RNF38: variants seen among roughly 807,000 people sequenced by gnomAD.
RNF38 encodes the protein E3 ubiquitin-protein ligase RNF38.
In RNF38, 15 loss-of-function variants were observed where a neutral mutation model predicts 67.2. That is an observed-to-expected ratio of 0.22 (90% confidence interval 0.15 to 0.34). RNF38 has a LOEUF of 0.34. Ranked by LOEUF, RNF38 falls within the 10% of genes least tolerant of loss-of-function variation. The pLI is 1.00. For missense variants in RNF38, 524 were observed against 639.9 expected, an observed-to-expected ratio of 0.82 and a Z score of 1.95; for synonymous variants, 220 against 218.8, an observed-to-expected ratio of 1.01 and a Z score of -0.05.
chr9:36,429,615 G>A (rs1242592564), intron 1 of RNF38, among the ~76,000 whole-genome samples: 1 of 152,036 alleles, frequency 6.6e-6, no homozygotes, highest in African/African-American at 2.4e-5. Flanking sequence ...CCAACAAGAT[G>A]AAACCCTGCC....
chr9:36,438,443 CGTTAGT>C (rs747250430), intron 1 of RNF38, among the ~76,000 whole-genome samples: 2 of 151,760 alleles, frequency 1.3e-5, no homozygotes, highest in African/African-American at 2.4e-5. Context: ...CATCAGCAAT[CGTTAGT>C]GTTAGTGTAT....
At chr9:36,392,122 A>G (rs1178340082) in intron 1 of RNF38, among the ~76,000 whole-genome samples, 1 of 152,172 alleles carries the variant, frequency 6.6e-6, no homozygotes, top group African/African-American at 2.4e-5. Flanking sequence ...AATGCTATTA[A>G]TATCCCTGCT....
At chr9:36,351,624 TAAATAGAGA>T (rs1436065934) in intron 8 of RNF38, among the ~76,000 whole-genome samples, 1 of 152,050 alleles carries the variant, frequency 6.6e-6, no homozygotes, top group East Asian at 1.9e-4. Context: ...GATAGAAAGA[TAAATAGAGA>T]AAACGGGGAG....
intron 2 of RNF38, among the ~76,000 whole-genome samples, chr9:36,406,995 C>T (rs1241975957): frequency 6.6e-6 from 1 of 151,262 alleles, no homozygotes; most frequent in Admixed American, 6.6e-5. Flanking sequence ...AACCCCATCT[C>T]CACCAAAAAT....
intron 2 of RNF38, among the ~76,000 whole-genome samples, chr9:36,420,581 C>G (rs1362239896): frequency 6.7e-6 from 1 of 150,012 alleles, no homozygotes; most frequent in Admixed American, 6.7e-5. Flanking sequence ...TCTATGCCCC[C>G]TTCCCTGCTT....
At chr9:36,436,747 C>T (rs766667091) in intron 1 of RNF38, among the ~76,000 whole-genome samples, 2 of 147,010 alleles carry the variant, frequency 1.4e-5, no homozygotes, top group African/African-American at 5.1e-5. Context: ...GGCGTGGACC[C>T]GGGAGGTGGA....
At chr9:36,415,891 CAG>C (rs1440703773) in intron 2 of RNF38, among the ~76,000 whole-genome samples, 3 of 151,978 alleles carry the variant, frequency 2.0e-5, no homozygotes, top group Non-Finnish European at 4.4e-5. Flanking sequence ...TTTCTTGGTG[CAG>C]AGTTGTTCTT....
At chr9:36,375,076 G>A (rs1835687845) in intron 3 of RNF38, among the ~76,000 whole-genome samples, 1 of 152,152 alleles carries the variant, frequency 6.6e-6, no homozygotes, top group African/African-American at 2.4e-5. Context: ...AAATAATGAG[G>A]AAGAAACTCA....
intron 2 of RNF38, among the ~76,000 whole-genome samples, chr9:36,414,870 T>TA (rs1026910849): frequency 5.9e-5 from 9 of 152,314 alleles, no homozygotes; most frequent in African/African-American, 2.2e-4. Flanking sequence ...TTAAGGAGGC[T>TA]AAACATAGGA....
At chr9:36,339,925 G>A in intron 11 of RNF38, 111 bp from the exon 12 acceptor site, 2 of 991,558 alleles carry the variant, frequency 2.0e-6, no homozygotes, top group Non-Finnish European at 3.1e-6. Flanking sequence ...TTCTTCCTCT[G>A]AAGAGGTACA....
chr9:36,370,964 C>T (rs898407729), intron 3 of RNF38, among the ~76,000 whole-genome samples: 2 of 152,030 alleles, frequency 1.3e-5, no homozygotes, highest in Non-Finnish European at 2.9e-5. Flanking sequence ...ATTTACTCTC[C>T]ATGTACTAGT....
chr9:36,449,716 T>C (rs1212613683), intron 1 of RNF38, among the ~76,000 whole-genome samples: 1 of 152,150 alleles, frequency 6.6e-6, no homozygotes. Flanking sequence ...ATTACAGGCA[T>C]GAGCCACCGC....
intron 1 of RNF38, among the ~76,000 whole-genome samples, chr9:36,436,555 G>A (rs1384040739): frequency 6.6e-6 from 1 of 152,136 alleles, no homozygotes; most frequent in Non-Finnish European, 1.5e-5. Flanking sequence ...TGGGCGCAGT[G>A]GCTCACACCT....
chr9:36,478,722 C>T (rs1229922750), intron 1 of RNF38, among the ~76,000 whole-genome samples: 1 of 149,222 alleles, frequency 6.7e-6, no homozygotes, highest in Non-Finnish European at 1.5e-5. Context: ...GAGGCTAAGG[C>T]AGGAGAATGG....
At chr9:36,447,961 A>T (rs1013936462) in intron 1 of RNF38, among the ~76,000 whole-genome samples, 4 of 152,240 alleles carry the variant, frequency 2.6e-5, no homozygotes, top group Non-Finnish European at 5.9e-5. Context: ...GTTCTTCTGA[A>T]CTAGAAGTAT....
intron 2 of RNF38, among the ~76,000 whole-genome samples, chr9:36,414,731 C>T (rs555238148): frequency 6.6e-6 from 1 of 151,456 alleles, no homozygotes; most frequent in Non-Finnish European, 1.5e-5. Flanking sequence ...TTTAGCAGTT[C>T]CTGTAGTGCT....
intron 1 of RNF38, among the ~76,000 whole-genome samples, chr9:36,459,156 C>T (rs1587176340): frequency 6.7e-6 from 1 of 149,052 alleles, no homozygotes; most frequent in East Asian, 2.0e-4. Flanking sequence ...TGCAGTGAGC[C>T]GAGATCACAC....
intron 1 of RNF38, among the ~76,000 whole-genome samples, chr9:36,453,572 C>T (rs1190608587): frequency 1.3e-5 from 2 of 151,970 alleles, no homozygotes; most frequent in Non-Finnish European, 2.9e-5. Flanking sequence ...TTAGTAGAGA[C>T]GGGGTTTCAC....
intron 1 of RNF38, among the ~76,000 whole-genome samples, chr9:36,480,593 C>G (rs929646977): frequency 1.4e-5 from 2 of 146,588 alleles, no homozygotes; most frequent in East Asian, 2.0e-4. Context: ...ACTCTGTTCC[C>G]CAGGCTGGAG....
Sources: allele counts gnomAD v4.1 joint callset (sites outside exome capture counted in the v4.1 genomes callset), GRCh38; gene constraint gnomAD v4.1.1; transcripts MANE v1.5; gene names NCBI Gene and HGNC (gene_info 2026-07-23, HGNC 2026-07-21).